Variants in KLHL12 observed in about 807,000 individuals in gnomAD.
The protein encoded by KLHL12 is kelch like family member 12.
Under a neutral mutation model 60.8 loss-of-function variants are expected in KLHL12, and 17 were observed. The ratio of observed to expected loss-of-function variants is 0.28; its 90% CI spans 0.19 to 0.42. The LOEUF (loss-of-function observed/expected upper bound fraction) is 0.42. KLHL12 is among the 10% of genes least tolerant of loss of function. The pLI, the probability that KLHL12 is intolerant of heterozygous loss-of-function variation, is 1.00. For missense variants in KLHL12, 468 were observed against 722.3 expected (o/e 0.65, Z 4.04); for synonymous variants, 220 against 250.9 (o/e 0.88, Z 1.16).
intron 6 of KLHL12, among the ~76,000 whole-genome samples, chr1:202,901,886 T>C (rs2102417558): frequency 6.6e-6 from 1 of 152,342 alleles, no homozygotes. Context: ...GATTTTCTTT[T>C]AGAAAATTTA....
At chr1:202,920,855 T>TA (rs1280695078) in intron 2 of KLHL12, among the ~76,000 whole-genome samples, 1 of 152,152 alleles carries the variant, frequency 6.6e-6, no homozygotes, top group Admixed American at 6.5e-5. Flanking sequence ...ATTTACAGAA[T>TA]AGAATGCAAA....
upstream of KLHL12, chr1:202,928,410 T>C: frequency 1.1e-6 from 1 of 925,808 alleles, no homozygotes; most frequent in South Asian, 1.4e-5. Flanking sequence ...TACCGCTCAC[T>C]AGGCAGGGCA....
upstream of KLHL12, among the ~76,000 whole-genome samples, chr1:202,928,144 G>T (rs1283152616): frequency 1.3e-5 from 2 of 150,696 alleles, no homozygotes; most frequent in Non-Finnish European, 3.0e-5. Flanking sequence ...GCGTAGTGGC[G>T]GGCGCCAGTA....
At chr1:202,905,968 C>CTTTTTTTTTTTTTTTTT (rs71142574) in intron 6 of KLHL12, among the ~76,000 whole-genome samples, 8 of 51,672 alleles carry the variant, frequency 1.5e-4, no homozygotes, top group African/African-American at 3.0e-4. Flanking sequence ...CCACACCTGG[C>CTTTTTTTTTTTTTTTTT]TTTTTTTTTT....
intron 1 of KLHL12, among the ~76,000 whole-genome samples, chr1:202,926,120 A>G (rs1440968078): frequency 2.0e-5 from 3 of 151,830 alleles, no homozygotes; most frequent in East Asian, 1.9e-4. Context: ...AAAAAAAAAA[A>G]AAAGAAACTT....
chr1:202,924,034 C>T (rs1273110017), intron 2 of KLHL12, among the ~76,000 whole-genome samples: 1 of 152,156 alleles, frequency 6.6e-6, no homozygotes, highest in Non-Finnish European at 1.5e-5. Flanking sequence ...TAAATCTGCT[C>T]TTAAAATGAG....
At chr1:202,920,008 G>A in intron 2 of KLHL12, 100 bp from the exon 3 acceptor site, 1 of 1,102,904 alleles carries the variant, frequency 9.1e-7, no homozygotes, top group East Asian at 2.6e-5. Context: ...AATATTAATT[G>A]AACATTTATC....
At chr1:202,919,516 A>T (rs79202931) in intron 3 of KLHL12, among the ~76,000 whole-genome samples, 4,132 of 151,494 alleles carry the variant, frequency 0.027, 100 homozygotes, top group South Asian at 0.12. Context: ...TTTTTTTTTT[A>T]AAACAGAAAA....
intron 6 of KLHL12, among the ~76,000 whole-genome samples, chr1:202,905,971 T>C: frequency 7.7e-6 from 1 of 129,268 alleles, no homozygotes; most frequent in East Asian, 2.3e-4. Context: ...CACCTGGCTT[T>C]TTTTTTTTTT....
intron 4 of KLHL12, among the ~76,000 whole-genome samples, chr1:202,914,532 T>C (rs914680495): frequency 1.3e-5 from 2 of 152,034 alleles, no homozygotes; most frequent in Non-Finnish European, 2.9e-5. Flanking sequence ...AAGATAGAGT[T>C]TTTCAATCAT....
At chr1:202,927,641 G>A (rs1428819676), upstream of KLHL12, among the ~76,000 whole-genome samples, 2 of 129,548 alleles carry the variant, frequency 1.5e-5, no homozygotes, top group East Asian at 4.6e-4. Flanking sequence ...GATCGCCACT[G>A]CACTCCAGCC....
At chr1:202,894,960 A>G (rs1183072596) in intron 8 of KLHL12, among the ~76,000 whole-genome samples, 2 of 152,236 alleles carry the variant, frequency 1.3e-5, no homozygotes, top group African/African-American at 4.8e-5. Context: ...AAGACCACCT[A>G]GGAGTTTGCA....
At position 202,909,071 on chromosome 1, in the gene KLHL12, C is replaced by T. The variant is rs762859511; in HGVS notation, c.771G>A (p.Lys257=). The T allele has an allele frequency of 3.7e-6, 6 of 1,613,902 alleles. No homozygotes were observed. In the African/African-American group the frequency reaches 6.7e-5, roughly 18 times the overall value. Residue 257 remains lysine (K), a synonymous_variant, in exon 6 of 12, where the codon AAG becomes AAA. Transcript: ENST00000367261. This position sits in a 1 kb window ranked among gnomAD's most constrained non-coding sequence, Gnocchi z 4.1. ...TCCGAAGTTCAGGCCTCAGATGAAA[C>T]TTCTTTGCTTCATCAACCAGATCCC... ...QCRDLVDEAK[K]FHLRPELRSQ...
intron 6 of KLHL12, among the ~76,000 whole-genome samples, chr1:202,902,990 T>G (rs1025720411): frequency 6.6e-6 from 1 of 151,580 alleles, no homozygotes; most frequent in African/African-American, 2.4e-5. Flanking sequence ...AGACCTTGTA[T>G]CAAAACAAAC....
At chr1:202,912,655 C>G (rs1157952414) in intron 4 of KLHL12, 73 of 1,308,660 alleles carry the variant, frequency 5.6e-5, no homozygotes, top group Admixed American at 2.2e-4. Context: ...GGCCAATACT[C>G]TGCCAAACCA....
chr1:202,927,477 G>C (rs1653644629), upstream of KLHL12, among the ~76,000 whole-genome samples: 1 of 129,560 alleles, frequency 7.7e-6, no homozygotes, highest in Non-Finnish European at 1.6e-5. Context: ...GAGCTCCGGA[G>C]TTCCAGACCC....
rs1660284617 is a variant in KLHL12, at chr1:202,909,227, A to T, written c.718-103T>A. 2.2e-5 allele frequency: 15 copies of T among 693,946 alleles called. No individual in the cohort carries two copies. Among genetic ancestry groups the T allele is most frequent in the Middle Eastern group, 2.5e-4 (1 of 4,046 alleles). 43.0% of individuals were successfully genotyped at this position (693,946 alleles called of 1,614,324 possible). ...AATTAACTTCTGACTACAGAAAACC[A>T]GTTTGCAAAGCCCTGTGATTCCAGG... On this transcript the variant is annotated intron_variant, in intron 5 of 11. Coordinates refer to ENST00000367261, the MANE Select transcript of KLHL12 (RefSeq NM_021633.4). This position sits in a 1 kb window ranked among gnomAD's most constrained non-coding sequence, Gnocchi z 4.1.
At chr1:202,927,398 G>A, upstream of KLHL12, 2 of 456,658 alleles carry the variant, frequency 4.4e-6, no homozygotes, top group Non-Finnish European at 5.8e-6. Context: ...AAAAGGTCGG[G>A]TGGGCAGGGA....
At chr1:202,912,016 G>A (rs563439812) in intron 4 of KLHL12, 7 of 789,910 alleles carry the variant, frequency 8.9e-6, no homozygotes, top group Non-Finnish European at 1.4e-5. Flanking sequence ...TGTGGAGGAG[G>A]TGGATGCAGC....
Sources: allele counts gnomAD v4.1 joint callset (sites outside exome capture counted in the v4.1 genomes callset), GRCh38; gene constraint gnomAD v4.1.1; non-coding constraint Gnocchi (gnomAD v3.1); transcripts MANE v1.5; gene names NCBI Gene and HGNC (gene_info 2026-07-23, HGNC 2026-07-21).